Variants in COA8 observed in about 807,000 individuals in gnomAD.
The protein encoded by COA8 is cytochrome c oxidase assembly factor 8, also known as UPF0671 protein C14orf153.
A neutral mutation model predicts 22.0 loss-of-function variants in COA8; 20 were observed. The observed-to-expected ratio is 0.91, with a 90% CI of 0.64 to 1.32. The LOEUF is 1.32. Among genes scored for constraint, COA8 ranks in the 40% most tolerant of loss-of-function variants. The probability of loss-of-function intolerance (pLI) is 0.00; values close to 1 mark genes in which losing one functional copy is unlikely to be tolerated. For synonymous variants in COA8, 105 were observed against 79.9 expected (o/e 1.31, Z -1.68); for missense variants, 266 against 230.0 (o/e 1.16, Z -1.01).
chr14:103,568,195 T>C (rs1288205463), intron 1 of COA8, among the ~76,000 whole-genome samples: 2 of 152,222 alleles, frequency 1.3e-5, no homozygotes, highest in Admixed American at 6.5e-5. Flanking sequence ...CTTTGTGTCA[T>C]GTACGGGCAC....
chr14:103,590,118 G>A (rs1240460041), intron 4 of COA8, 63 bp from the exon 5 acceptor site: 2 of 1,438,702 alleles, frequency 1.4e-6, no homozygotes, highest in African/African-American at 1.4e-5. Flanking sequence ...CCACTTCTGG[G>A]CCAGGGCACC....
intron 1 of COA8, among the ~76,000 whole-genome samples, chr14:103,567,084 T>TG (rs1437767565): frequency 6.6e-6 from 1 of 152,090 alleles, no homozygotes; most frequent in Non-Finnish European, 1.5e-5. Flanking sequence ...ATTTTTAAAA[T>TG]TTTTTTGGCA....
intron 3 of COA8, among the ~76,000 whole-genome samples, chr14:103,580,797 GT>G (rs377472697): frequency 1.8e-3 from 221 of 122,534 alleles, no homozygotes; most frequent in African/African-American, 2.8e-3. Flanking sequence ...TTGGCCTGTT[GT>G]TTTTTTTTTT....
chr14:103,570,460 C>T (rs1413457647), intron 1 of COA8, among the ~76,000 whole-genome samples: 3 of 152,048 alleles, frequency 2.0e-5, no homozygotes, highest in Non-Finnish European at 4.4e-5. Context: ...GGGCCAGGCA[C>T]GGTGGCTCAC....
At chr14:103,566,311 T>C in intron 1 of COA8, among the ~76,000 whole-genome samples, 1 of 151,992 alleles carries the variant, frequency 6.6e-6, no homozygotes, top group South Asian at 2.1e-4. Context: ...TCCCAGCTAG[T>C]TGGGAGGCTG....
rs139697426 is a variant in COA8 at position 103,583,139 on chromosome 14, A to G, written c.386-4135A>G. Among the ~76,000 whole-genome samples the G allele has an allele frequency of 2.9e-4, 44 of 152,028 alleles. No individual in the cohort carries two copies. In the Middle Eastern group the frequency reaches 0.01, roughly 35 times the overall value. ...TATACGGATATACCATGTTTTGTTT[A>G]TCCACTTACTAGTTGATGAACATTT... On this transcript the variant is annotated intron_variant, in intron 3 of 4. Transcript: ENST00000409074.
At chr14:103,584,810 G>C (rs1027322680) in intron 3 of COA8, among the ~76,000 whole-genome samples, 1 of 152,108 alleles carries the variant, frequency 6.6e-6, no homozygotes, top group African/African-American at 2.4e-5. Context: ...ATCTTTTTTG[G>C]AGAAATTCCT....
At chr14:103,576,435 G>A (rs2076231149) in intron 3 of COA8, among the ~76,000 whole-genome samples, 1 of 152,226 alleles carries the variant, frequency 6.6e-6, no homozygotes, top group African/African-American at 2.4e-5. Flanking sequence ...TCCTGAGCTT[G>A]AGGGTGAAGA....
intron 1 of COA8, among the ~76,000 whole-genome samples, chr14:103,566,640 C>G (rs892321119): frequency 6.6e-6 from 1 of 152,220 alleles, no homozygotes; most frequent in Non-Finnish European, 1.5e-5. Context: ...ACAGATGGCT[C>G]TCCAGGCAGG....
chr14:103,563,265 C>A, intron 1 of COA8, 141 bp downstream of exon 1: 1 of 1,180,208 alleles, frequency 8.5e-7, no homozygotes, highest in South Asian at 1.3e-5. Context: ...CGAACAGTCC[C>A]GCAGCCCCGA....
intron 1 of COA8, among the ~76,000 whole-genome samples, chr14:103,568,619 GTGTATATATA>G (rs1347211178): frequency 2.1e-5 from 1 of 48,740 alleles, no homozygotes; most frequent in African/African-American, 7.6e-5. Context: ...ATATGTGTGT[GTGTATATATA>G]TATATATATA....
At position 103,574,078 on chromosome 14, in the gene COA8, CTTTTTTTTT is replaced by C; in HGVS notation, c.322-12_322-4del. ...AGACAGAGAAAGGAGTTCTGAGAGC[CTTTTTTTTT>C]TTTTTTTTTTTTTTTTAAGGAAAAA... is the stretch of plus-strand genomic sequence containing the variant. On this transcript the variant is annotated intron_variant, in intron 2 of 4. Coordinates refer to ENST00000409074, the MANE Select transcript of COA8 (RefSeq NM_001370595.2). 4 of 1,012,748 alleles carry C rather than the reference CTTTTTTTTT, an allele frequency of 3.9e-6. No individual in the cohort carries two copies. Among genetic ancestry groups the C allele is most frequent in the Non-Finnish European group, 3.9e-6 (3 of 777,276 alleles). 62.7% of individuals were successfully genotyped at this position (1,012,748 alleles called of 1,614,324 possible).
At chr14:103,578,650 G>A (rs946354424) in intron 3 of COA8, among the ~76,000 whole-genome samples, 8 of 152,264 alleles carry the variant, frequency 5.3e-5, no homozygotes, top group African/African-American at 1.7e-4. Flanking sequence ...CGGTAGGTTC[G>A]GTATTAAGCT....
intron 3 of COA8, among the ~76,000 whole-genome samples, chr14:103,582,385 G>A (rs570100203): frequency 7.9e-5 from 12 of 151,844 alleles, no homozygotes; most frequent in Admixed American, 3.3e-4. Flanking sequence ...CCTCTCTTGC[G>A]TGTGGGTGAG....
rs1280018077 is a variant in COA8, at chr14:103,590,286, G to A, written c.582G>A (p.Ter194=). The part of the protein sequence containing the change: ...LKQKQKKRSN[*] ...AGAAACAAAAGAAGAGGAGCAACTAGGAGTCCACTCTGACCCAGCCAGAGT... is the reference window on the plus strand; with the variant it reads ...AGAAACAAAAGAAGAGGAGCAACTAAGAGTCCACTCTGACCCAGCCAGAGT... The change falls in exon 5 of 5, where the codon TAG becomes TAA. Residue 194 remains the stop codon, a stop_retained_variant. Coordinates refer to ENST00000409074, the MANE Select transcript of COA8 (RefSeq NM_001370595.2). 1.2e-6 allele frequency: 2 copies of A among 1,613,456 alleles called. No individual in the cohort carries two copies. The highest frequency in any genetic ancestry group is 1.7e-5 in the Admixed American group (1 of 60,004).
intron 1 of COA8, among the ~76,000 whole-genome samples, chr14:103,571,317 C>T (rs1175561299): frequency 1.3e-5 from 2 of 151,564 alleles, no homozygotes; most frequent in Non-Finnish European, 2.9e-5. Flanking sequence ...TGCAGTGAGC[C>T]GAGATCTCGC....
Position 103,571,050 on chromosome 14 carries a change from T to C in COA8, c.124-573T>C, listed in dbSNP as rs536765372. On this transcript the variant is annotated intron_variant, in intron 1 of 4. Coordinates refer to ENST00000409074, the MANE Select transcript of COA8 (RefSeq NM_001370595.2). ...TTCTGCAATAGAGATGCAGGAGTAA[T>C]TGGAGAAGTTGCAGATCTTGTGACC... 2.6e-5 allele frequency among the ~76,000 whole-genome samples: 4 copies of C among 152,242 alleles called. No individual in the cohort carries two copies. The East Asian group carries it at 5.8e-4, about 22-fold the overall frequency.
intron 1 of COA8, among the ~76,000 whole-genome samples, chr14:103,568,621 G>GTATATATA (rs57741003): frequency 5.9e-4 from 84 of 141,868 alleles, no homozygotes; most frequent in African/African-American, 2.2e-3. Context: ...ATGTGTGTGT[G>GTATATATA]TATATATATA....
intron 1 of COA8, among the ~76,000 whole-genome samples, chr14:103,563,932 G>GA (rs2076113957): frequency 6.6e-6 from 1 of 152,246 alleles, no homozygotes; most frequent in Non-Finnish European, 1.5e-5. Flanking sequence ...GCCGAGGCAA[G>GA]CGGATCACGA....
Sources: allele counts gnomAD v4.1 joint callset (sites outside exome capture counted in the v4.1 genomes callset), GRCh38; gene constraint gnomAD v4.1.1; transcripts MANE v1.5; gene names NCBI Gene and HGNC (gene_info 2026-07-23, HGNC 2026-07-21).